The following SNX24 variants were observed in gnomAD, a reference collection of about 807,000 sequenced individuals.
The protein encoded by SNX24 is sorting nexin-24.
In SNX24, 22 loss-of-function variants were observed where a neutral mutation model predicts 28.7. The ratio of observed to expected loss-of-function variants is 0.77; its 90% CI spans 0.55 to 1.10. The LOEUF (loss-of-function observed/expected upper bound fraction) is 1.10. SNX24 is among the 50% of genes least tolerant of loss of function. The pLI is 0.00. For missense variants in SNX24, 221 were observed against 201.1 expected (o/e 1.10, Z -0.60); for synonymous variants, 69 against 71.5 (o/e 0.96, Z 0.18).
intron 3 of SNX24, among the ~76,000 whole-genome samples, chr5:122,967,024 A>G (rs984174233): frequency 3.3e-5 from 5 of 152,226 alleles, no homozygotes; most frequent in Admixed American, 3.3e-4. Flanking sequence ...GAACCATCTC[A>G]CTGACTAAAA....
At chr5:123,001,917 A>T (rs760936663) in intron 5 of SNX24, 23 bp from the exon 6 acceptor site, 2 of 1,609,410 alleles carry the variant, frequency 1.2e-6, no homozygotes, top group Non-Finnish European at 1.7e-6. Flanking sequence ...TGATGCTGAC[A>T]TGCCTGTTCT....
At chr5:123,027,762 C>T (rs539409794) in intron 5 of SNX24, among the ~76,000 whole-genome samples, 10 of 152,148 alleles carry the variant, frequency 6.6e-5, no homozygotes, top group African/African-American at 2.2e-4. Flanking sequence ...AAATGGACAA[C>T]AAATATCCAC....
intron 1 of SNX24, among the ~76,000 whole-genome samples, chr5:122,881,553 G>A (rs1351582856): frequency 1.3e-5 from 2 of 152,188 alleles, no homozygotes; most frequent in Non-Finnish European, 2.9e-5. Context: ...AGGCTTTAGA[G>A]TCAGAGAGAT....
intron 1 of SNX24, among the ~76,000 whole-genome samples, chr5:122,874,195 A>G (rs889134460): frequency 1.3e-5 from 2 of 152,248 alleles, no homozygotes; most frequent in Non-Finnish European, 1.5e-5. Flanking sequence ...ATATGAACAA[A>G]TTATTAGCCT....
chr5:122,845,973 G>C (rs1412134349), intron 1 of SNX24, among the ~76,000 whole-genome samples: 3 of 152,156 alleles, frequency 2.0e-5, no homozygotes, highest in Non-Finnish European at 4.4e-5. Flanking sequence ...CATTCTCCCC[G>C]CCGCCCGCCT....
chr5:122,916,826 T>C (rs772115322), intron 1 of SNX24, among the ~76,000 whole-genome samples: 1 of 152,180 alleles, frequency 6.6e-6, no homozygotes, highest in Non-Finnish European at 1.5e-5. Context: ...TGATTTGGGA[T>C]GTGGGCTCTT....
At chr5:122,875,368 GTGTGTGTCTA>G (rs1326908456) in intron 1 of SNX24, among the ~76,000 whole-genome samples, 1 of 152,230 alleles carries the variant, frequency 6.6e-6, no homozygotes, top group Non-Finnish European at 1.5e-5. Context: ...TGGGGAAAAT[GTGTGTGTCTA>G]TGGATAGCCC....
chr5:122,874,676 T>A lies in SNX24; in HGVS notation c.60+28983T>A, dbSNP rs185735518. ...GTTATGTTTATTCTGCAACTTGACC[T>A]TTTTAGAAGGAGGTTCTTGAGCTTT... On this transcript the variant is annotated intron_variant, in intron 1 of 6. Coordinates refer to ENST00000261369, the MANE Select transcript of SNX24 (RefSeq NM_014035.4). Among the ~76,000 whole-genome samples the A allele has an allele frequency of 2.6e-4, 40 of 152,298 alleles. No homozygotes were observed. In the East Asian group the frequency reaches 7.7e-3, roughly 29 times the overall value.
At chr5:122,996,477 A>C (rs1043077560) in intron 3 of SNX24, among the ~76,000 whole-genome samples, 14 of 152,228 alleles carry the variant, frequency 9.2e-5, no homozygotes, top group African/African-American at 3.4e-4. Context: ...TTTATCTGAT[A>C]CTCAAAAATA....
In SNX24 at chr5:122,869,316, G is replaced by A. The variant is rs764223901; in HGVS notation, c.60+23623G>A. On this transcript the variant is annotated intron_variant, in intron 1 of 6. Transcript: ENST00000261369. The stretch of plus-strand genomic sequence containing the variant: ...TTTAACTTCCAAATGACACCCATGA[G>A]TACTTGTTATCATTTAAATATGCTT... 9.2e-5 allele frequency among the ~76,000 whole-genome samples: 14 copies of A among 152,196 alleles called. 1 individual carries two copies. The highest frequency in any genetic ancestry group is 1.9e-4 in the East Asian group (1 of 5,204).
At chr5:122,845,748 C>G (rs1455465005) in intron 1 of SNX24, 55 bp downstream of exon 1, 4 of 1,152,512 alleles carry the variant, frequency 3.5e-6, no homozygotes, top group Admixed American at 7.3e-5. Flanking sequence ...GCGGCTGCTG[C>G]GCCCAGGAAA....
At chr5:123,023,739 T>C (rs1762799756) in intron 5 of SNX24, 1 of 1,295,374 alleles carries the variant, frequency 7.7e-7, no homozygotes, top group Non-Finnish European at 1.0e-6. Flanking sequence ...TTTATAACTT[T>C]CCTGTGATCT....
At chr5:122,869,221 A>G (rs1755869008) in intron 1 of SNX24, among the ~76,000 whole-genome samples, 2 of 152,238 alleles carry the variant, frequency 1.3e-5, no homozygotes, top group Admixed American at 1.3e-4. Flanking sequence ...TAAATGCAAC[A>G]GTTGTTCATA....
intron 1 of SNX24, among the ~76,000 whole-genome samples, chr5:122,903,428 T>A (rs1291983923): frequency 6.6e-6 from 1 of 152,192 alleles, no homozygotes; most frequent in Admixed American, 6.5e-5. Context: ...TCTGCACTTT[T>A]AATGTACCCT....
intron 2 of SNX24, among the ~76,000 whole-genome samples, chr5:122,944,937 C>T (rs1214703967): frequency 6.6e-6 from 1 of 152,018 alleles, no homozygotes; most frequent in Non-Finnish European, 1.5e-5. Context: ...GCACATTGCA[C>T]TTAAAGAGGC....
At chr5:122,991,251 C>T (rs890208280) in intron 3 of SNX24, among the ~76,000 whole-genome samples, 4 of 152,004 alleles carry the variant, frequency 2.6e-5, no homozygotes, top group African/African-American at 9.7e-5. Flanking sequence ...CCAGAAAATG[C>T]CTCTTAAATC....
chr5:122,928,156 G>A (rs1200799517), intron 1 of SNX24, among the ~76,000 whole-genome samples: 1 of 151,992 alleles, frequency 6.6e-6, no homozygotes, highest in Non-Finnish European at 1.5e-5. Context: ...TCTCTCTCTG[G>A]ATAACTCTTG....
At chr5:122,975,171 C>A (rs548567207) in intron 3 of SNX24, among the ~76,000 whole-genome samples, 1 of 152,232 alleles carries the variant, frequency 6.6e-6, no homozygotes, top group South Asian at 2.1e-4. Context: ...TGTTATAGCT[C>A]TTATGGTATT....
intron 3 of SNX24, among the ~76,000 whole-genome samples, chr5:122,993,138 T>C (rs1327022051): frequency 6.6e-6 from 1 of 152,162 alleles, no homozygotes; most frequent in African/African-American, 2.4e-5. Flanking sequence ...TTTGAATTCC[T>C]TGAGTAGTGC....
Sources: gnomAD v4.1 joint callset for allele counts (sites outside exome capture counted in the v4.1 genomes callset) on GRCh38, gnomAD v4.1.1 for gene constraint, MANE v1.5 for transcripts, NCBI Gene and HGNC (gene_info 2026-07-23, HGNC 2026-07-21) for gene names.